The following TRAF2 variants were observed in gnomAD, a reference collection of about 807,000 sequenced individuals.
TRAF2 encodes TNF receptor-associated factor 2.
In TRAF2, 6 loss-of-function variants were observed where a neutral mutation model predicts 55.6. The observed-to-expected ratio is 0.11, with a 90% CI of 0.06 to 0.21. TRAF2 has a LOEUF of 0.21. TRAF2 is among the 10% of genes least tolerant of loss of function. TRAF2 has a pLI of 1.00. For missense variants in TRAF2, 561 were observed against 684.5 expected (o/e 0.82, Z 2.01); for synonymous variants, 329 against 276.3 (o/e 1.19, Z -1.89).
Position 136,926,179 on chromosome 9 carries a change from T to G in TRAF2, c.*278T>G. ...TCTTCGGGTGCTTCCCAGCACAAGC[T>G]GCCCTTGCTGTCCTGTGCAGTGAAG... On this transcript the variant is annotated 3_prime_UTR_variant, in exon 11 of 11. Coordinates refer to ENST00000247668, the MANE Select transcript of TRAF2 (RefSeq NM_021138.4). 1.7e-6 allele frequency: 1 copy of G among 593,966 alleles called. No individual in the cohort carries two copies. Among genetic ancestry groups the G allele is most frequent in the East Asian group, 3.3e-5 (1 of 30,116 alleles). 36.8% of individuals were successfully genotyped at this position (593,966 alleles called of 1,614,324 possible). A position where few individuals can be genotyped will look rare whatever the true frequency, so the allele number is the denominator to read the frequency against.
At position 136,925,847 on chromosome 9, in the gene TRAF2, C is replaced by T. The variant is rs150502565; in HGVS notation, c.1452C>T (p.Tyr484=). 1.0e-4 allele frequency: 163 copies of T among 1,614,234 alleles called. No individual in the cohort carries two copies. The East Asian group carries it at 3.0e-3, about 30-fold the overall frequency. ...CCAAGATGGAGGCAAAGAATTCCTA[C>T]GTGCGGGACGATGCCATCTTCATCA... ...PVSKMEAKNS[Y]VRDDAIFIKA... Residue 484 remains tyrosine (Y), a synonymous_variant, in exon 11 of 11, where the codon TAC becomes TAT. Coordinates refer to ENST00000247668, the MANE Select transcript of TRAF2 (RefSeq NM_021138.4).
At chr9:136,912,835 TAAAA>T (rs1850149102) in intron 6 of TRAF2, among the ~76,000 whole-genome samples, 1 of 151,962 alleles carries the variant, frequency 6.6e-6, no homozygotes, top group African/African-American at 2.4e-5. Context: ...AGAGCCTGTC[TAAAA>T]AAACAAGTCA....
Position 136,920,335 on chromosome 9 carries a change from C to T in TRAF2, c.780C>T (p.Asp260=), listed in dbSNP as rs773995647. 4 of 1,613,932 alleles carry T rather than the reference C, an allele frequency of 2.5e-6. No homozygotes were observed. Among genetic ancestry groups the T allele is most frequent in the African/African-American group, 1.3e-5 (1 of 74,932 alleles). Residue 260 remains aspartate, a synonymous_variant, in exon 8 of 11, where the codon GAC becomes GAT. Coordinates refer to ENST00000247668, the MANE Select transcript of TRAF2 (RefSeq NM_021138.4). ...SVLEAKPLLG[D]QSHAGSELLQ... Reference sequence around the variant, plus strand: ...TGGAGGCAAAGCCCCTCTTGGGAGACCAGAGCCACGCGGGGTCAGAGCTCC... The same window carrying T: ...TGGAGGCAAAGCCCCTCTTGGGAGATCAGAGCCACGCGGGGTCAGAGCTCC...
chr9:136,890,173 C>T (rs1344329671), intron 1 of TRAF2, among the ~76,000 whole-genome samples: 2 of 151,020 alleles, frequency 1.3e-5, no homozygotes, highest in Non-Finnish European at 3.0e-5. Context: ...GTCCCCACCG[C>T]ACGCTCGTTC....
chr9:136,921,868 G>A (rs1020163296), intron 9 of TRAF2, among the ~76,000 whole-genome samples: 3 of 152,184 alleles, frequency 2.0e-5, no homozygotes, highest in Non-Finnish European at 2.9e-5. Context: ...GCTGTCCCTC[G>A]AGGCCCTGGC....
chr9:136,926,315 G>A lies in TRAF2; in HGVS notation c.*414G>A, dbSNP rs1024138490. ...TCCCTCGGGCATGACAGGCAGAAAC[G>A]AGGGCTGCTCCAGGAGAAGGGCCTC... On this transcript the variant is annotated 3_prime_UTR_variant, in exon 11 of 11. Coordinates refer to ENST00000247668, the MANE Select transcript of TRAF2 (RefSeq NM_021138.4). The A allele has an allele frequency of 5.7e-6, 2 of 350,980 alleles. No individual in the cohort carries two copies. The highest frequency in any genetic ancestry group is 1.1e-5 in the Non-Finnish European group (2 of 177,398). 21.7% of individuals were successfully genotyped at this position (350,980 alleles called of 1,614,324 possible). A position where few individuals can be genotyped will look rare whatever the true frequency, so the allele number is the denominator to read the frequency against.
chr9:136,907,095 A>G (rs924167243), intron 4 of TRAF2, among the ~76,000 whole-genome samples: 1 of 152,080 alleles, frequency 6.6e-6, no homozygotes, highest in African/African-American at 2.4e-5. Context: ...TACATTCTTG[A>G]TTCTTCCTGG....
intron 10 of TRAF2, 41 bp from the exon 11 acceptor site, chr9:136,925,641 GC>G: frequency 6.3e-7 from 1 of 1,597,258 alleles, no homozygotes; most frequent in East Asian, 2.2e-5. Context: ...GAGAGAGACG[GC>G]CCACAGACCT....
chr9:136,906,724 C>T (rs2131304441), intron 4 of TRAF2, among the ~76,000 whole-genome samples: 1 of 152,358 alleles, frequency 6.6e-6, no homozygotes, highest in East Asian at 1.9e-4. Context: ...GTGGGACCTC[C>T]TGTGGCTTGG....
intron 4 of TRAF2, among the ~76,000 whole-genome samples, chr9:136,906,116 A>C (rs540212876): frequency 6.6e-6 from 1 of 151,884 alleles, no homozygotes; most frequent in South Asian, 2.1e-4. Context: ...AAAACAAAAA[A>C]CCAAGATGGC....
At position 136,920,434 on chromosome 9, in the gene TRAF2, G is replaced by A. The variant is rs2131329825; in HGVS notation, c.879G>A (p.Val293=). ...ENIVCVLNRE[V]ERVAMTAEAC... ...TTGTCTGCGTCCTGAACCGGGAGGTGGAGAGGGTGGCCATGACTGCCGAGG... is the reference window on the plus strand; with the variant it reads ...TTGTCTGCGTCCTGAACCGGGAGGTAGAGAGGGTGGCCATGACTGCCGAGG... The change falls in exon 8 of 11, where the codon GTG becomes GTA. Residue 293 remains valine (V), a synonymous_variant. Transcript: ENST00000247668. The A allele has an allele frequency of 6.2e-7, 1 of 1,614,094 alleles. No individual in the cohort carries two copies. Among genetic ancestry groups the A allele is most frequent in the Non-Finnish European group, 8.5e-7 (1 of 1,180,032 alleles).
chr9:136,925,650 C>T, intron 10 of TRAF2, 33 bp from the exon 11 acceptor site: 1 of 1,607,002 alleles, frequency 6.2e-7, no homozygotes, highest in East Asian at 2.2e-5. Flanking sequence ...GGCCCACAGA[C>T]CTGTGTCCCC....
At chr9:136,891,986 G>A (rs1403687611) in intron 1 of TRAF2, among the ~76,000 whole-genome samples, 1 of 151,760 alleles carries the variant, frequency 6.6e-6, no homozygotes, top group Admixed American at 6.6e-5. Flanking sequence ...CCAAAGTGCT[G>A]GGATTACAGG....
chr9:136,914,094 G>GGGCA (rs1850185018), intron 6 of TRAF2, among the ~76,000 whole-genome samples: 1 of 152,200 alleles, frequency 6.6e-6, no homozygotes, highest in Non-Finnish European at 1.5e-5. Context: ...AACCACAGAC[G>GGGCA]GGCAGTGTTT....
intron 4 of TRAF2, among the ~76,000 whole-genome samples, chr9:136,900,944 T>TG (rs1235205395): frequency 1.6e-4 from 25 of 152,136 alleles, no homozygotes; most frequent in African/African-American, 6.0e-4. Flanking sequence ...CTTTCAAGTT[T>TG]GGTGGGGGTT....
At chr9:136,914,508 A>G (rs1850194823) in intron 6 of TRAF2, among the ~76,000 whole-genome samples, 1 of 152,212 alleles carries the variant, frequency 6.6e-6, no homozygotes, top group Non-Finnish European at 1.5e-5. Context: ...CCCGCAGCCC[A>G]GTGTTTCATC....
chr9:136,900,290 C>T (rs1849787656), intron 3 of TRAF2, 132 bp from the exon 4 acceptor site: 3 of 576,240 alleles, frequency 5.2e-6, no homozygotes, highest in African/African-American at 1.9e-5. Context: ...AGAGAGTCAT[C>T]CTCTGCTCCT....
intron 9 of TRAF2, chr9:136,922,586 A>C (rs1412403173): frequency 6.4e-6 from 1 of 156,208 alleles, no homozygotes; most frequent in Non-Finnish European, 1.4e-5. Context: ...GGACAGGCAG[A>C]ATGGGCCTGG....
intron 1 of TRAF2, among the ~76,000 whole-genome samples, chr9:136,888,422 C>T (rs756338185): frequency 3.3e-5 from 5 of 152,114 alleles, no homozygotes; most frequent in South Asian, 2.1e-4. Flanking sequence ...CAGAGCGAGA[C>T]TCCATCTCAA....
Sources: allele counts gnomAD v4.1 joint callset (sites outside exome capture counted in the v4.1 genomes callset), GRCh38; gene constraint gnomAD v4.1.1; transcripts MANE v1.5; gene names NCBI Gene and HGNC (gene_info 2026-07-23, HGNC 2026-07-21).